KPNA7: variants seen among roughly 807,000 people sequenced by gnomAD.
KPNA7 encodes importin subunit alpha-8.
In KPNA7, 54 loss-of-function variants were observed where a neutral mutation model predicts 53.7. The ratio of observed to expected loss-of-function variants is 1.01; its 90% CI spans 0.81 to 1.26. KPNA7 has a LOEUF of 1.26. Ranked by LOEUF, KPNA7 falls within the 50% of genes most tolerant of loss-of-function variation. The pLI, the probability that KPNA7 is intolerant of heterozygous loss-of-function variation, is 0.00. For missense variants in KPNA7, 640 were observed against 644.5 expected (o/e 0.99, Z 0.07); for synonymous variants, 276 against 259.3 (o/e 1.06, Z -0.62).
chr7:99,182,113 A>G, intron 8 of KPNA7, 48 bp from the exon 9 acceptor site: 1 of 1,404,390 alleles, frequency 7.1e-7, no homozygotes, highest in South Asian at 1.4e-5. Flanking sequence ...CAAGAACCTA[A>G]ATAGAGGACA....
the KPNA7 span, among the ~76,000 whole-genome samples, chr7:99,162,110 A>G: frequency 4.1e-3 from 597 of 146,766 alleles, 2 homozygotes; most frequent in African/African-American, 0.014. Flanking sequence ...CAGTGGTGCA[A>G]TCTCAGCTCA....
chr7:99,193,998 T>A (rs1790097646), intron 5 of KPNA7, among the ~76,000 whole-genome samples: 1 of 152,182 alleles, frequency 6.6e-6, no homozygotes, highest in Non-Finnish European at 1.5e-5. Flanking sequence ...TTTGTTTTCT[T>A]TTAGCAGTTA....
At chr7:99,184,787 A>T in intron 8 of KPNA7, 142 bp downstream of exon 8, 1 of 701,508 alleles carries the variant, frequency 1.4e-6, no homozygotes, top group Non-Finnish European at 2.4e-6. Flanking sequence ...CCTTTTTTTC[A>T]GGCAAAGCTA....
chr7:99,196,006 G>T, intron 4 of KPNA7, 78 bp downstream of exon 4: 1 of 1,200,848 alleles, frequency 8.3e-7, no homozygotes, highest in Non-Finnish European at 1.2e-6. Flanking sequence ...AAACCAAATA[G>T]GCCACCGGCG....
the KPNA7 span, among the ~76,000 whole-genome samples, chr7:99,156,246 G>T: frequency 6.6e-6 from 1 of 152,074 alleles, no homozygotes; most frequent in African/African-American, 2.4e-5. Flanking sequence ...ATGGCTATGT[G>T]GTTCTAAATA....
intron 4 of KPNA7, among the ~76,000 whole-genome samples, chr7:99,195,687 A>G (rs532624125): frequency 2.6e-5 from 4 of 152,288 alleles, no homozygotes; most frequent in Admixed American, 2.6e-4. Context: ...TGGGTGACAG[A>G]GTGAGACTCC....
At chr7:99,168,432 T>C in the KPNA7 span, among the ~76,000 whole-genome samples, 2 of 152,106 alleles carry the variant, frequency 1.3e-5, no homozygotes, top group African/African-American at 2.4e-5. Context: ...ACACAAAACA[T>C]GTGCTTCCAG....
the KPNA7 span, among the ~76,000 whole-genome samples, chr7:99,158,740 G>A: frequency 1.3e-5 from 2 of 152,110 alleles, no homozygotes; most frequent in South Asian, 2.1e-4. Flanking sequence ...CTGACTTCAA[G>A]TGATCCCCAA....
chr7:99,182,090 C>A (rs1320418495), intron 8 of KPNA7, 25 bp from the exon 9 acceptor site: 1 of 1,490,400 alleles, frequency 6.7e-7, no homozygotes. Context: ...TGTTTCCATT[C>A]TCTACAGATC....
chr7:99,218,469 C>T (rs933366933), intron 1 of KPNA7, among the ~76,000 whole-genome samples: 18 of 152,018 alleles, frequency 1.2e-4, no homozygotes, highest in Non-Finnish European at 2.4e-4. Context: ...GACAACATCC[C>T]GGGGAGTACT....
At chr7:99,198,237 C>A (rs535281382) in intron 3 of KPNA7, among the ~76,000 whole-genome samples, 184 of 151,844 alleles carry the variant, frequency 1.2e-3, no homozygotes, top group African/African-American at 4.2e-3. Context: ...AAAACAACAA[C>A]AAAAAAACTT....
chr7:99,157,997 G>A, the KPNA7 span, among the ~76,000 whole-genome samples: 49 of 151,678 alleles, frequency 3.2e-4, no homozygotes, highest in Non-Finnish European at 6.5e-4. Flanking sequence ...CACTGGTCTT[G>A]AACTCCTGGC....
chr7:99,183,994 C>T (rs1789432275), intron 8 of KPNA7, among the ~76,000 whole-genome samples: 1 of 151,554 alleles, frequency 6.6e-6, no homozygotes, highest in Non-Finnish European at 1.5e-5. Context: ...ATTACAGGCA[C>T]CCACCACCAC....
At position 99,207,394 on chromosome 7, in the gene KPNA7, TACTC is replaced by T. The variant is rs1372463801; in HGVS notation, c.66+3_66+6del. 13 of 1,551,186 alleles carry T rather than the reference TACTC, an allele frequency of 8.4e-6. No homozygotes were observed. The highest frequency in any genetic ancestry group is 1.2e-5 in the South Asian group (1 of 84,036). ...CCAATAGAAGCAGGTGGGTGCTTCA[TACTC>T]ACAGACACATCTTTGCCTCGGTACT... On this transcript the variant is annotated splice_donor_5th_base_variant and intron_variant, in intron 2 of 10. Coordinates refer to ENST00000327442, the MANE Select transcript of KPNA7 (RefSeq NM_001145715.3).
At chr7:99,161,815 C>T in the KPNA7 span, among the ~76,000 whole-genome samples, 4 of 152,070 alleles carry the variant, frequency 2.6e-5, no homozygotes, top group African/African-American at 9.7e-5. Flanking sequence ...AAAGAATCCA[C>T]AAATGAGGCA....
intron 1 of KPNA7, among the ~76,000 whole-genome samples, chr7:99,214,920 T>C (rs969410596): frequency 1.3e-5 from 2 of 152,090 alleles, no homozygotes; most frequent in Non-Finnish European, 2.9e-5. Context: ...ATGTTGCCAA[T>C]GGCACAATTA....
At chr7:99,191,261 G>T (rs1308814899) in intron 6 of KPNA7, among the ~76,000 whole-genome samples, 2 of 150,844 alleles carry the variant, frequency 1.3e-5, no homozygotes, top group Non-Finnish European at 3.0e-5. Flanking sequence ...AGGTTCAAGA[G>T]ATTCTCCTGC....
chr7:99,206,876 C>T (rs1281466344), intron 2 of KPNA7, among the ~76,000 whole-genome samples: 1 of 152,156 alleles, frequency 6.6e-6, no homozygotes, highest in Non-Finnish European at 1.5e-5. Flanking sequence ...CTCCTAAGTC[C>T]ACATGCTTTT....
At chr7:99,185,527 T>C (rs1350079536) in intron 7 of KPNA7, among the ~76,000 whole-genome samples, 1 of 152,016 alleles carries the variant, frequency 6.6e-6, no homozygotes, top group African/African-American at 2.4e-5. Context: ...TTAAGTTTTT[T>C]GTAGAGACGG....
Sources: allele counts gnomAD v4.1 joint callset (sites outside exome capture counted in the v4.1 genomes callset), GRCh38; gene constraint gnomAD v4.1.1; transcripts MANE v1.5; gene names NCBI Gene and HGNC (gene_info 2026-07-23, HGNC 2026-07-21).